The following PGD variants were observed in gnomAD, a reference collection of about 807,000 sequenced individuals.
The protein encoded by PGD is 6-phosphogluconate dehydrogenase, decarboxylating.
In PGD, 21 loss-of-function variants were observed where a neutral mutation model predicts 60.4. The ratio of observed to expected loss-of-function variants is 0.35; its 90% CI spans 0.25 to 0.50. The LOEUF (loss-of-function observed/expected upper bound fraction) is 0.50, where lower values mean the gene tolerates loss of function less well. Among genes scored for constraint, PGD ranks in the 20% least tolerant of loss-of-function variants. The pLI, the probability that PGD is intolerant of heterozygous loss-of-function variation, is 0.98. For synonymous variants in PGD, 230 were observed against 235.9 expected (o/e 0.97, Z 0.23); for missense variants, 477 against 613.1 (o/e 0.78, Z 2.34).
In PGD at chr1:10,417,004, C is replaced by T. The variant is rs781500624; in HGVS notation, c.862C>T (p.Arg288Trp). The T allele has an allele frequency of 6.2e-6, 10 of 1,613,568 alleles. No individual in the cohort carries two copies. Among genetic ancestry groups the T allele is most frequent in the Non-Finnish European group, 5.9e-6 (7 of 1,179,612 alleles). The change falls in exon 9 of 13, where the codon CGG (arginine) becomes TGG (tryptophan). Residue 288 changes from arginine to tryptophan, a missense_variant. This residue lies in a region of PGD where 431 missense variants were observed against 556.6 expected (regional missense o/e 0.77). Coordinates refer to ENST00000270776, the MANE Select transcript of PGD (RefSeq NM_002631.4). The part of the protein sequence containing the change: ...VTLIGEAVFA[R>W]CLSSLKDERI... ...CCATGTAGGAGAAGCTGTCTTTGCT[C>T]GGTGCTTATCATCTCTGAAGGATGA...
chr1:10,412,457 G>C (rs1453957156), intron 7 of PGD, among the ~76,000 whole-genome samples: 1 of 152,064 alleles, frequency 6.6e-6, no homozygotes, highest in Non-Finnish European at 1.5e-5. Flanking sequence ...ACTATTGTTT[G>C]TTTCACTGGA....
At chr1:10,401,696 C>T (rs1309564071) in intron 3 of PGD, among the ~76,000 whole-genome samples, 2 of 152,138 alleles carry the variant, frequency 1.3e-5, no homozygotes, top group African/African-American at 4.8e-5. Context: ...TTAACTGGAG[C>T]CTTGTAGGGG....
At position 10,420,383 on chromosome 1, in the gene PGD, TTTC is replaced by T. The variant is rs1639673935; in HGVS notation, c.*635_*637del. Reference sequence around the variant, plus strand: ...GACGTTCACTGTAACGTGCTTTTTCTTTCGTCTTTTTTTTTTTTTTTTTTTTTT... The same window carrying T: ...GACGTTCACTGTAACGTGCTTTTTCTGTCTTTTTTTTTTTTTTTTTTTTTT... On this transcript the variant is annotated 3_prime_UTR_variant, in exon 13 of 13. Coordinates refer to ENST00000270776, the MANE Select transcript of PGD (RefSeq NM_002631.4). Among the ~76,000 whole-genome samples the T allele has an allele frequency of 7.3e-6, 1 of 137,266 alleles. No homozygotes were observed. The highest frequency in any genetic ancestry group is 1.5e-5 in the Non-Finnish European group (1 of 66,250). The allele number at this position is 137,266 out of a possible 152,430, so 90.1% of individuals were successfully genotyped here. A position where few individuals can be genotyped will look rare whatever the true frequency, so the allele number is the denominator to read the frequency against.
At chr1:10,407,126 A>G (rs967195610) in intron 5 of PGD, among the ~76,000 whole-genome samples, 1 of 152,130 alleles carries the variant, frequency 6.6e-6, no homozygotes, top group African/African-American at 2.4e-5. Context: ...AGCCACATCA[A>G]CATAGGGAGA....
In PGD at chr1:10,418,856, T is replaced by C. The variant is rs1273620118; in HGVS notation, c.1140T>C (p.Phe380=). Residue 380 remains phenylalanine (F), a synonymous_variant, in exon 11 of 13, where the codon TTT becomes TTC. Coordinates refer to ENST00000270776, the MANE Select transcript of PGD (RefSeq NM_002631.4). ...TCCTAGGAAAGATAAAGGATGCATT[T>C]GATCGAAACCCGGAACTTCAGAACC... The part of the protein sequence containing the change: ...SVFLGKIKDA[F]DRNPELQNLL... The C allele has an allele frequency of 1.2e-6, 2 of 1,609,800 alleles. No homozygotes were observed. The highest frequency in any genetic ancestry group is 1.7e-6 in the Non-Finnish European group (2 of 1,176,148).
chr1:10,399,258 C>A (rs1342775986), intron 1 of PGD, 133 bp downstream of exon 1: 10 of 1,049,642 alleles, frequency 9.5e-6, no homozygotes, highest in African/African-American at 1.6e-5. Flanking sequence ...GCTCTGTGAC[C>A]CTGGCCCTAC....
intron 3 of PGD, among the ~76,000 whole-genome samples, chr1:10,402,708 A>G (rs1486632859): frequency 6.6e-6 from 1 of 151,798 alleles, no homozygotes; most frequent in Non-Finnish European, 1.5e-5. Context: ...TATTTTTAGT[A>G]GAGACGAGGT....
At chr1:10,412,925 GAGC>G (rs1287139473) in intron 7 of PGD, 134 bp from the exon 8 acceptor site, 5 of 659,308 alleles carry the variant, frequency 7.6e-6, no homozygotes, top group Non-Finnish European at 1.3e-5. Flanking sequence ...CAACCAGCAG[GAGC>G]AGAAGTCCCC....
At chr1:10,404,571 C>T (rs1355764048) in intron 5 of PGD, among the ~76,000 whole-genome samples, 1 of 150,714 alleles carries the variant, frequency 6.6e-6, no homozygotes, top group Admixed American at 6.6e-5. Context: ...GAGATCTTAG[C>T]TCACTGCACC....
rs775062201 is a variant in PGD at position 10,403,124 on chromosome 1, T to C, written c.318T>C (p.Tyr106=). 1.9e-6 allele frequency: 3 copies of C among 1,603,678 alleles called. No individual in the cohort carries two copies. Among genetic ancestry groups the C allele is most frequent in the Non-Finnish European group, 2.6e-6 (3 of 1,170,426 alleles). ...DIIIDGGNSE[Y]RDTTRRCRDL... ...TCATTGACGGAGGAAATTCTGAATA[T>C]AGGGACACCACAGTAAGTGTTCTTC... The change falls in exon 4 of 13, where the codon TAT becomes TAC. Residue 106 remains tyrosine (Y), a synonymous_variant. Coordinates refer to ENST00000270776, the MANE Select transcript of PGD (RefSeq NM_002631.4).
Position 10,411,321 on chromosome 1 carries a change from T to C in PGD, c.520-97T>C, listed in dbSNP as rs1174579081. ...ACTTGTTATTTTTTGTGTGGAGAGG[T>C]AGCCTTGCCAGGGATGTTGGCATGA... On this transcript the variant is annotated intron_variant, in intron 6 of 12. Transcript: ENST00000270776. The C allele has an allele frequency of 1.8e-5, 25 of 1,371,906 alleles. No individual in the cohort carries two copies. In the Admixed American group the frequency reaches 4.7e-4, roughly 26 times the overall value. The allele number at this position is 1,371,906 out of a possible 1,614,324, so 85.0% of individuals were successfully genotyped here.
At chr1:10,415,054 G>A (rs1226178259) in intron 8 of PGD, among the ~76,000 whole-genome samples, 4 of 150,828 alleles carry the variant, frequency 2.7e-5, no homozygotes, top group African/African-American at 7.3e-5. Flanking sequence ...TCGCACCACT[G>A]CACTCCAGGC....
Position 10,418,883 on chromosome 1 carries a change from C to T in PGD, c.1167C>T (p.Leu389=), listed in dbSNP as rs1569996375. The change falls in exon 11 of 13, where the codon CTC becomes CTT. Residue 389 remains leucine (L), a synonymous_variant. Transcript: ENST00000270776. ...AFDRNPELQN[L]LLDDFFKSAV... is the part of the protein sequence containing the mutation. ...ATCGAAACCCGGAACTTCAGAACCT[C>T]CTACTGGACGACTTCTTTAAGTCAG... The T allele has an allele frequency of 6.2e-7, 1 of 1,612,574 alleles. No homozygotes were observed. Among genetic ancestry groups the T allele is most frequent in the Non-Finnish European group, 8.5e-7 (1 of 1,178,666 alleles).
At chr1:10,415,777 G>A (rs1262942243) in intron 8 of PGD, among the ~76,000 whole-genome samples, 4 of 152,158 alleles carry the variant, frequency 2.6e-5, no homozygotes, top group Non-Finnish European at 5.9e-5. Flanking sequence ...TGGTTAAAGA[G>A]TCATTTATTC....
rs756735573 is a variant in PGD, at chr1:10,417,112, C to G, written c.970C>G (p.Arg324Gly). 2 of 1,613,846 alleles carry G rather than the reference C, an allele frequency of 1.2e-6. No homozygotes were observed. Among genetic ancestry groups the G allele is most frequent in the South Asian group, 2.2e-5 (2 of 91,000 alleles). ...TAAGAAATCATTCCTGGAGGACATT[C>G]GGAAGGTGGGACACAGTCCCTGGCA... is the stretch of plus-strand genomic sequence containing the variant. ...GDKKSFLEDI[R>G]KALYASKIIS... The change falls in exon 9 of 13, where the codon CGG (arginine) becomes GGG (glycine). Residue 324 changes from arginine to glycine, a missense_variant. By Grantham distance (125) the Arg-to-Gly change is moderately radical (BLOSUM62 -2). This residue lies in a region of PGD where 431 missense variants were observed against 556.6 expected (regional missense o/e 0.77). Transcript: ENST00000270776.
intron 4 of PGD, among the ~76,000 whole-genome samples, 178 bp downstream of exon 4, chr1:10,403,314 G>A (rs1021844926): frequency 5.9e-5 from 9 of 152,066 alleles, no homozygotes; most frequent in African/African-American, 1.4e-4. Context: ...CAGAAGGGCC[G>A]GGTGTGGTGG....
At chr1:10,399,760 C>T in intron 2 of PGD, 56 bp downstream of exon 2, 5 of 1,469,006 alleles carry the variant, frequency 3.4e-6, no homozygotes. Flanking sequence ...TTAGCCGAGG[C>T]CGGCGATAGG....
At chr1:10,414,313 A>G (rs1297665919) in intron 8 of PGD, among the ~76,000 whole-genome samples, 1 of 152,126 alleles carries the variant, frequency 6.6e-6, no homozygotes, top group African/African-American at 2.4e-5. Flanking sequence ...ATATAAAGAA[A>G]TAAACATAAA....
At chr1:10,400,342 T>C (rs753379226) in intron 2 of PGD, 51 bp from the exon 3 acceptor site, 3 of 1,403,112 alleles carry the variant, frequency 2.1e-6, no homozygotes, top group East Asian at 2.3e-5. Flanking sequence ...GGCCACAGTC[T>C]GAAAGTCTTG....
Sources: gnomAD v4.1 joint callset for allele counts (sites outside exome capture counted in the v4.1 genomes callset) on GRCh38, gnomAD v4.1.1 for gene constraint, gnomAD v4.1.1 regional missense constraint, MANE v1.5 for transcripts, NCBI Gene and HGNC (gene_info 2026-07-23, HGNC 2026-07-21) for gene names.